KLHL1: variants seen among roughly 807,000 people sequenced by gnomAD.
KLHL1 encodes kelch like family member 1, also known as kelch-like protein 1.
KLHL1 carries 47 observed loss-of-function variants against 77.7 expected under a neutral mutation model. The ratio of observed to expected loss-of-function variants is 0.60; its 90% CI spans 0.48 to 0.77. KLHL1 has a LOEUF of 0.77. Ranked by LOEUF, KLHL1 falls within the 30% of genes least tolerant of loss-of-function variation. The pLI is 0.00. For synonymous variants in KLHL1, 360 were observed against 325.2 expected (o/e 1.11, Z -1.15); for missense variants, 925 against 910.8 (o/e 1.02, Z -0.20).
At position 69,711,037 on chromosome 13, in the gene KLHL1, T is replaced by G. The variant is rs184027905; in HGVS notation, c.2016-3241A>C. On this transcript the variant is annotated intron_variant, in intron 9 of 10. Transcript: ENST00000377844. ...GCATACGATAGTCACAGAATAAAAG[T>G]TAATTTCTCTTTGTAAAACCAAATT... 4.7e-3 allele frequency among the ~76,000 whole-genome samples: 713 copies of G among 152,260 alleles called. 7 individuals are homozygous for G. The highest frequency in any genetic ancestry group is 4.2e-3 in the Non-Finnish European group (284 of 68,018).
rs1593984147 is a variant in KLHL1 at position 69,955,500 on chromosome 13, T to G, written c.817+5808A>C. 4.6e-5 allele frequency among the ~76,000 whole-genome samples: 7 copies of G among 151,432 alleles called. No homozygotes were observed. In the South Asian group the frequency reaches 1.4e-3, roughly 31 times the overall value. ...GACAGCTTCCTTTATTTAAACCTTG[T>G]GCTTATCAGTTCTCTACAGGACCTG... On this transcript the variant is annotated intron_variant, in intron 3 of 10. Transcript: ENST00000377844.
At chr13:69,754,708 C>T (rs1366060443) in intron 7 of KLHL1, among the ~76,000 whole-genome samples, 1 of 152,114 alleles carries the variant, frequency 6.6e-6, no homozygotes, top group African/African-American at 2.4e-5. Context: ...TGCTCATATC[C>T]ATGTTTAACA....
At chr13:70,004,010 T>A (rs1566490446) in intron 1 of KLHL1, among the ~76,000 whole-genome samples, 2 of 151,840 alleles carry the variant, frequency 1.3e-5, no homozygotes, top group South Asian at 4.1e-4. Flanking sequence ...CTTTAGTTGT[T>A]AAATCATACA....
At chr13:69,973,528 A>T (rs1884457661) in intron 2 of KLHL1, among the ~76,000 whole-genome samples, 1 of 151,844 alleles carries the variant, frequency 6.6e-6, no homozygotes, top group South Asian at 2.1e-4. Context: ...AACACCACAT[A>T]CATTTTGCTT....
At chr13:69,705,289 A>T (rs1187743430) in intron 10 of KLHL1, among the ~76,000 whole-genome samples, 1 of 151,718 alleles carries the variant, frequency 6.6e-6, no homozygotes, top group Non-Finnish European at 1.5e-5. Context: ...TAAAACATAC[A>T]TAGATACACA....
intron 1 of KLHL1, among the ~76,000 whole-genome samples, chr13:70,001,686 T>TATC (rs907807103): frequency 6.6e-6 from 1 of 150,680 alleles, no homozygotes; most frequent in African/African-American, 2.4e-5. Context: ...TCTATCTATC[T>TATC]ATCTATCTAT....
At chr13:69,735,435 A>G (rs531511608) in intron 8 of KLHL1, among the ~76,000 whole-genome samples, 2 of 150,974 alleles carry the variant, frequency 1.3e-5, no homozygotes, top group Admixed American at 1.3e-4. Context: ...CTAGTTTATT[A>G]AATGTTTATC....
intron 1 of KLHL1, among the ~76,000 whole-genome samples, chr13:70,024,518 C>T (rs1245501662): frequency 1.3e-5 from 2 of 151,778 alleles, no homozygotes; most frequent in Non-Finnish European, 2.9e-5. Flanking sequence ...AGTTTCTCCT[C>T]AACGTAAGTT....
chr13:70,006,056 C>T (rs540243818), intron 1 of KLHL1, among the ~76,000 whole-genome samples: 68 of 152,058 alleles, frequency 4.5e-4, no homozygotes, highest in Admixed American at 2.0e-3. Flanking sequence ...TTTCATTCTT[C>T]GCTATTATGA....
intron 4 of KLHL1, among the ~76,000 whole-genome samples, chr13:69,900,691 G>A (rs942266587): frequency 6.6e-6 from 1 of 152,096 alleles, no homozygotes; most frequent in Non-Finnish European, 1.5e-5. Flanking sequence ...CATGGACAGA[G>A]GGAAACACTT....
chr13:70,059,818 G>A (rs528133442), intron 1 of KLHL1, among the ~76,000 whole-genome samples: 1 of 152,196 alleles, frequency 6.6e-6, no homozygotes, highest in East Asian at 1.9e-4. Context: ...GAGGATTTGA[G>A]ACTTAAAAGG....
chr13:69,779,371 C>T (rs1876011971), intron 7 of KLHL1, among the ~76,000 whole-genome samples: 1 of 150,422 alleles, frequency 6.6e-6, no homozygotes, highest in Non-Finnish European at 1.5e-5. Flanking sequence ...TTCCTTCCTC[C>T]CCTCCCCTCT....
chr13:70,075,196 C>T (rs1230000104), intron 1 of KLHL1, among the ~76,000 whole-genome samples: 6 of 151,854 alleles, frequency 4.0e-5, no homozygotes, highest in Admixed American at 3.9e-4. Flanking sequence ...ATTTGGGAGG[C>T]ACACTTTATT....
intron 6 of KLHL1, among the ~76,000 whole-genome samples, chr13:69,821,349 C>T (rs543723426): frequency 1.1e-4 from 17 of 152,118 alleles, no homozygotes; most frequent in Non-Finnish European, 7.4e-5. Context: ...GAGTCTCACT[C>T]TGTCGCCCAG....
chr13:69,993,542 A>G (rs1462440185), intron 1 of KLHL1, among the ~76,000 whole-genome samples: 1 of 152,072 alleles, frequency 6.6e-6, no homozygotes, highest in Non-Finnish European at 1.5e-5. Flanking sequence ...TCCCTTAATC[A>G]TATGAAACTT....
chr13:69,985,710 T>C (rs1884844911), intron 1 of KLHL1, among the ~76,000 whole-genome samples: 1 of 149,202 alleles, frequency 6.7e-6, no homozygotes, highest in African/African-American at 2.4e-5. Flanking sequence ...CTATTAACAA[T>C]AGACAAAATT....
At chr13:69,708,421 T>C (rs1566351696) in intron 9 of KLHL1, among the ~76,000 whole-genome samples, 1 of 151,956 alleles carries the variant, frequency 6.6e-6, no homozygotes, top group Admixed American at 6.6e-5. Context: ...GATTAGCTTA[T>C]GGGATGTTTG....
At chr13:70,090,929 T>G (rs960884815) in intron 1 of KLHL1, among the ~76,000 whole-genome samples, 3 of 152,144 alleles carry the variant, frequency 2.0e-5, no homozygotes, top group African/African-American at 7.2e-5. Context: ...TGGTGTTATG[T>G]GTAATCACAG....
intron 7 of KLHL1, among the ~76,000 whole-genome samples, chr13:69,772,927 C>T (rs763890668): frequency 1.3e-4 from 19 of 151,800 alleles, no homozygotes; most frequent in Non-Finnish European, 1.8e-4. Context: ...TTTTTAACAA[C>T]GTTGATCCAA....
Sources: allele counts gnomAD v4.1 joint callset (sites outside exome capture counted in the v4.1 genomes callset), GRCh38; gene constraint gnomAD v4.1.1; transcripts MANE v1.5; gene names NCBI Gene and HGNC (gene_info 2026-07-23, HGNC 2026-07-21).